The following ADAMTS12 variants were observed in gnomAD, a reference collection of about 807,000 sequenced individuals.
ADAMTS12 encodes ADAM metallopeptidase with thrombospondin type 1 motif 12, also known as A disintegrin and metalloproteinase with thrombospondin motifs 12.
In ADAMTS12, 118 loss-of-function variants were observed where a neutral mutation model predicts 167.8. The observed-to-expected ratio is 0.70, with a 90% CI of 0.61 to 0.82. The LOEUF (loss-of-function observed/expected upper bound fraction) is 0.82, where lower values mean the gene tolerates loss of function less well. ADAMTS12 is among the 40% of genes least tolerant of loss of function. The pLI is 0.00. For synonymous variants in ADAMTS12, 704 were observed against 716.9 expected, an observed-to-expected ratio of 0.98 and a Z score of 0.29; for missense variants, 1,916 against 1,998.8, an observed-to-expected ratio of 0.96 and a Z score of 0.79.
At chr5:33,752,137 T>A (rs1745013241) in intron 2 of ADAMTS12, among the ~76,000 whole-genome samples, 1 of 152,206 alleles carries the variant, frequency 6.6e-6, no homozygotes. Flanking sequence ...AAGGGGAATA[T>A]TCTCATTTCA....
chr5:33,717,076 G>A (rs1743642206), intron 3 of ADAMTS12, among the ~76,000 whole-genome samples: 1 of 151,716 alleles, frequency 6.6e-6, no homozygotes, highest in Non-Finnish European at 1.5e-5. Context: ...CAGTTTGGAA[G>A]CTGGAAAACT....
chr5:33,534,973 C>T lies in ADAMTS12; in HGVS notation c.4466G>A (p.Gly1489Asp). The change falls in exon 23 of 24, where the codon GGT becomes GAT. Residue 1489 changes from glycine (G) to aspartate (D), a missense_variant. By Grantham distance (94) the Gly-to-Asp change is moderately conservative. Coordinates refer to ENST00000504830, the MANE Select transcript of ADAMTS12 (RefSeq NM_030955.4). ...TTGGACAGTCCTCTTCTGAAAGCCA[C>T]CTCCACAGGAAGTGGAACACTGAAA... ...NWDLCSTSCG[G>D]GFQKRTVQCV... is the part of the protein sequence containing the mutation. 6.2e-7 allele frequency: 1 copy of T among 1,608,288 alleles called. No individual in the cohort carries two copies.
At chr5:33,556,538 C>T (rs558902622) in intron 20 of ADAMTS12, among the ~76,000 whole-genome samples, 2 of 152,326 alleles carry the variant, frequency 1.3e-5, no homozygotes, top group South Asian at 2.1e-4. Flanking sequence ...TCCTGTGTGA[C>T]TCAGCAAGTT....
intron 14 of ADAMTS12, among the ~76,000 whole-genome samples, chr5:33,618,661 C>A (rs4401575): frequency 0.1 from 15,585 of 152,186 alleles, 1,256 homozygotes; most frequent in East Asian, 0.37. Flanking sequence ...TGTTAATTCC[C>A]CTGGTGTGGT....
At position 33,857,264 on chromosome 5, in the gene ADAMTS12, C is replaced by T. The variant is rs184193309; in HGVS notation, c.489+23855G>A. On this transcript the variant is annotated intron_variant, in intron 2 of 23. Coordinates refer to ENST00000504830, the MANE Select transcript of ADAMTS12 (RefSeq NM_030955.4). The stretch of plus-strand genomic sequence containing the variant: ...GGTGGTTGCCAGAGCCTGGGGGAAG[C>T]GGGAAATGGGGAGATGTTGCACAAA... Among the ~76,000 whole-genome samples, 348 of 151,966 alleles carry T rather than the reference C, an allele frequency of 2.3e-3. 2 individuals are homozygous for T. Among genetic ancestry groups the T allele is most frequent in the African/African-American group, 7.9e-3 (326 of 41,440 alleles).
intron 2 of ADAMTS12, among the ~76,000 whole-genome samples, chr5:33,790,177 G>T (rs1350678671): frequency 6.6e-6 from 1 of 152,198 alleles, no homozygotes; most frequent in Non-Finnish European, 1.5e-5. Context: ...TTATCCTTAA[G>T]TCTGTTTTCT....
intron 21 of ADAMTS12, among the ~76,000 whole-genome samples, chr5:33,548,519 TGG>T (rs1745093768): frequency 6.6e-6 from 1 of 152,196 alleles, no homozygotes; most frequent in Admixed American, 6.5e-5. Flanking sequence ...TTTTATTTTT[TGG>T]CCTTCTTTCT....
At chr5:33,868,465 G>T (rs1266883779) in intron 2 of ADAMTS12, among the ~76,000 whole-genome samples, 2 of 152,224 alleles carry the variant, frequency 1.3e-5, no homozygotes, top group Admixed American at 1.3e-4. Flanking sequence ...AACTTGTTGG[G>T]AACTAGAGCA....
intron 20 of ADAMTS12, among the ~76,000 whole-genome samples, chr5:33,552,426 A>G (rs1408763071): frequency 6.6e-6 from 1 of 152,224 alleles, no homozygotes; most frequent in African/African-American, 2.4e-5. Flanking sequence ...CTATCCCAGC[A>G]TTCTAGAGTG....
chr5:33,568,606 A>C (rs1746134454), intron 19 of ADAMTS12, among the ~76,000 whole-genome samples: 1 of 152,236 alleles, frequency 6.6e-6, no homozygotes, highest in South Asian at 2.1e-4. Context: ...TGAGACACTT[A>C]CCTACTCATC....
intron 13 of ADAMTS12, among the ~76,000 whole-genome samples, chr5:33,630,001 G>C (rs1471667152): frequency 6.6e-6 from 1 of 152,174 alleles, no homozygotes; most frequent in African/African-American, 2.4e-5. Flanking sequence ...TATGACAGAA[G>C]ACTGAGTCTT....
chr5:33,673,266 ATGAT>A (rs1278477280), intron 5 of ADAMTS12, among the ~76,000 whole-genome samples: 1 of 152,204 alleles, frequency 6.6e-6, no homozygotes, highest in Non-Finnish European at 1.5e-5. Context: ...ACTCCAAAAT[ATGAT>A]TGTTGGCTCC....
chr5:33,561,261 T>G, intron 19 of ADAMTS12, 82 bp from the exon 20 acceptor site: 1 of 1,530,318 alleles, frequency 6.5e-7, no homozygotes, highest in Non-Finnish European at 8.8e-7. Context: ...CTGGAGTCAG[T>G]TCTCAGTCCC....
intron 2 of ADAMTS12, among the ~76,000 whole-genome samples, chr5:33,797,845 T>G (rs1176342458): frequency 6.6e-6 from 1 of 152,216 alleles, no homozygotes; most frequent in Non-Finnish European, 1.5e-5. Flanking sequence ...ACAAATATGC[T>G]ACACAAACAT....
intron 22 of ADAMTS12, among the ~76,000 whole-genome samples, chr5:33,542,290 T>C (rs1302450785): frequency 2.0e-5 from 3 of 152,136 alleles, no homozygotes; most frequent in Admixed American, 6.5e-5. Flanking sequence ...GAGCTAACTA[T>C]CCTAAATATA....
chr5:33,696,420 C>CAAAAAA (rs71600922), intron 3 of ADAMTS12, among the ~76,000 whole-genome samples: 11 of 129,946 alleles, frequency 8.5e-5, no homozygotes, highest in East Asian at 4.4e-4. Flanking sequence ...GACTCCGTCT[C>CAAAAAA]AAAAAAAAAA....
intron 7 of ADAMTS12, among the ~76,000 whole-genome samples, chr5:33,653,097 T>C (rs551399113): frequency 1.3e-5 from 2 of 152,170 alleles, no homozygotes; most frequent in South Asian, 2.1e-4. Flanking sequence ...CGTTGTCTTG[T>C]TTTTGATCTT....
chr5:33,789,105 T>C (rs112493515), intron 2 of ADAMTS12, among the ~76,000 whole-genome samples: 1,614 of 152,316 alleles, frequency 0.011, 12 homozygotes, highest in Non-Finnish European at 0.018. Flanking sequence ...TGAGTCATGA[T>C]TGGGATCTAT....
chr5:33,633,085 A>G (rs1254630823), intron 12 of ADAMTS12, among the ~76,000 whole-genome samples: 1 of 151,444 alleles, frequency 6.6e-6, no homozygotes, highest in African/African-American at 2.4e-5. Context: ...TGCTGTTAGC[A>G]TGGTTATCTT....
Sources: allele counts gnomAD v4.1 joint callset (sites outside exome capture counted in the v4.1 genomes callset), GRCh38; gene constraint gnomAD v4.1.1; transcripts MANE v1.5; gene names NCBI Gene and HGNC (gene_info 2026-07-23, HGNC 2026-07-21).